FN1: variants seen among roughly 807,000 people sequenced by gnomAD.
The protein encoded by FN1 is fibronectin 1, also known as fibronectin.
In FN1, 106 loss-of-function variants were observed where a neutral mutation model predicts 297.3. The ratio of observed to expected loss-of-function variants is 0.36; its 90% CI spans 0.30 to 0.42. The LOEUF (loss-of-function observed/expected upper bound fraction) is 0.42, where lower values mean the gene tolerates loss of function less well. Ranked by LOEUF, FN1 falls within the 10% of genes least tolerant of loss-of-function variation. FN1 has a pLI of 1.00. For missense variants in FN1, 2,690 were observed against 3,124.9 expected (o/e 0.86, Z 3.32); for synonymous variants, 1,149 against 1,152.6 (o/e 1.00, Z 0.06).
chr2:215,381,112 TGAA>T, intron 32 of FN1, 32 bp from the exon 33 acceptor site: 1 of 1,611,674 alleles, frequency 6.2e-7, no homozygotes, highest in Non-Finnish European at 8.5e-7. Flanking sequence ...AGAGGTTATG[TGAA>T]AAGCAAGTTG....
chr2:215,430,954 ATT>A, intron 4 of FN1, 102 bp from the exon 5 acceptor site: 1 of 1,266,652 alleles, frequency 7.9e-7, no homozygotes, highest in Non-Finnish European at 1.1e-6. Context: ...ATTCAGCCAC[ATT>A]TTTTTTAAGT....
chr2:215,381,300 A>T, intron 32 of FN1: 1 of 585,972 alleles, frequency 1.7e-6, no homozygotes, highest in Non-Finnish European at 3.0e-6. Context: ...TATGTGAGAT[A>T]AGCAGATACC....
At chr2:215,408,067 A>G (rs1559503002) in intron 17 of FN1, 41 bp downstream of exon 17, 2 of 1,497,758 alleles carry the variant, frequency 1.3e-6, no homozygotes, top group East Asian at 2.3e-5. Context: ...TGATGTCATT[A>G]AGATTAACAT....
In FN1 at chr2:215,397,169, A is replaced by C; in HGVS notation, c.3572T>G (p.Leu1191Arg). Residue 1191 changes from leucine to arginine, a missense_variant, in exon 23 of 46, where the codon CTC (leucine) becomes CGC (arginine). Physicochemically the swap from Leu to Arg is moderately radical, Grantham distance 102 (BLOSUM62 -2). Coordinates refer to ENST00000354785, the MANE Select transcript of FN1 (RefSeq NM_212482.4). Reference sequence around the variant, plus strand: ...GGTGCTCCTCTCCCAGGAGACTGTGAGCACTCCAGTGTCAGGGTTTGCCTC... The same window carrying C: ...GGTGCTCCTCTCCCAGGAGACTGTGCGCACTCCAGTGTCAGGGTTTGCCTC... ...HLEANPDTGVLTVSWERSTTP... is the reference protein window; with the variant it reads ...HLEANPDTGVRTVSWERSTTP... 1 of 1,613,916 alleles carries C rather than the reference A, an allele frequency of 6.2e-7. No homozygotes were observed. The highest frequency in any genetic ancestry group is 8.5e-7 in the Non-Finnish European group (1 of 1,179,816).
chr2:215,383,210 A>G (rs1575401244), intron 31 of FN1, 118 bp downstream of exon 31: 1 of 1,019,478 alleles, frequency 9.8e-7, no homozygotes, highest in Non-Finnish European at 1.5e-6. Flanking sequence ...GTTTCGCCAT[A>G]TTGGCCAGGC....
intron 24 of FN1, 133 bp downstream of exon 24, chr2:215,394,395 G>A (rs1362068967): frequency 1.2e-6 from 1 of 828,510 alleles, no homozygotes; most frequent in African/African-American, 1.7e-5. Context: ...TCTTGGTTTT[G>A]GAAAGTGCAG....
intron 21 of FN1, 37 bp from the exon 22 acceptor site, chr2:215,397,885 A>G (rs2060494415): frequency 3.8e-6 from 6 of 1,595,486 alleles, no homozygotes; most frequent in African/African-American, 1.3e-5. Context: ...CCAAGGACAA[A>G]TATTTCCAGA....
intron 43 of FN1, 100 bp downstream of exon 43, chr2:215,365,405 G>T: frequency 7.7e-7 from 1 of 1,292,152 alleles, no homozygotes; most frequent in Non-Finnish European, 1.1e-6. Context: ...TCCTCAAGGA[G>T]ACCTAAAGTC....
At position 215,420,798 on chromosome 2, in the gene FN1, T is replaced by A; in HGVS notation, c.1550A>T (p.Gln517Leu). Reference protein sequence around the residue: ...TCIAYSQLRDQCIVDDITYNV... With the variant: ...TCIAYSQLRDLCIVDDITYNV... Reference sequence around the variant, plus strand: ...GTAAGTGATGTCATCAACAATGCACTGATCTGTTTAGGAAACAGGTGGGTG... The same window carrying A: ...GTAAGTGATGTCATCAACAATGCACAGATCTGTTTAGGAAACAGGTGGGTG... Residue 517 changes from glutamine (Q) to leucine (L), a missense_variant, in exon 11 of 46, where the codon CAG (glutamine) becomes CTG (leucine). This residue lies in a region of FN1 where 876 missense variants were observed against 1,058.1 expected (regional missense o/e 0.83). Coordinates refer to ENST00000354785, the MANE Select transcript of FN1 (RefSeq NM_212482.4). 1 of 1,614,030 alleles carries A rather than the reference T, an allele frequency of 6.2e-7. No individual in the cohort carries two copies. Among genetic ancestry groups the A allele is most frequent in the Non-Finnish European group, 8.5e-7 (1 of 1,179,868 alleles).
chr2:215,361,771 C>G, intron 45 of FN1, 145 bp from the exon 46 acceptor site: 1 of 991,654 alleles, frequency 1.0e-6, no homozygotes, highest in South Asian at 1.4e-5. Context: ...TAGCAGCATA[C>G]TGGGCAATAG....
At position 215,408,728 on chromosome 2, in the gene FN1, C is replaced by T. The variant is rs370140134; in HGVS notation, c.2300-302G>A. Among the ~76,000 whole-genome samples, 13 of 152,170 alleles carry T rather than the reference C, an allele frequency of 8.5e-5. No homozygotes were observed. The East Asian group carries it at 2.1e-3, about 25-fold the overall frequency. On this transcript the variant is annotated intron_variant, in intron 15 of 45. Transcript: ENST00000354785. ...GATTACAGGTGCACACCACCACACCCGGCTATTTTTTTTGCATTTTTATTA... is the reference window on the plus strand; with the variant it reads ...GATTACAGGTGCACACCACCACACCTGGCTATTTTTTTTGCATTTTTATTA...
chr2:215,402,385 T>A (rs1237400084), intron 20 of FN1, among the ~76,000 whole-genome samples: 1 of 152,194 alleles, frequency 6.6e-6, no homozygotes, highest in African/African-American at 2.4e-5. Context: ...GAAATAAAAT[T>A]TGCCCTATCA....
chr2:215,385,367 G>A (rs1575421712), intron 28 of FN1, among the ~76,000 whole-genome samples: 2 of 151,090 alleles, frequency 1.3e-5, no homozygotes, highest in African/African-American at 4.9e-5. Context: ...TTCAAAACCA[G>A]CCTGGCCAAC....
At position 215,424,326 on chromosome 2, in the gene FN1, C is replaced by A; in HGVS notation, c.1037-1G>T. Reference sequence around the variant, plus strand: ...TTGCCACCGTAAGTCTGGGTTACAGCTACAATCATAATCAAAAGAGTGTCA... The same window carrying A: ...TTGCCACCGTAAGTCTGGGTTACAGATACAATCATAATCAAAAGAGTGTCA... On this transcript the variant is annotated splice_acceptor_variant, in intron 7 of 45. Coordinates refer to ENST00000354785, the MANE Select transcript of FN1 (RefSeq NM_212482.4). LOFTEE classifies it high-confidence loss of function. 6.2e-7 allele frequency: 1 copy of A among 1,613,096 alleles called. No individual in the cohort carries two copies. The highest frequency in any genetic ancestry group is 8.5e-7 in the Non-Finnish European group (1 of 1,179,102).
At chr2:215,370,525 C>G (rs1261145327) in intron 40 of FN1, 93 bp from the exon 41 acceptor site, 1 of 620,612 alleles carries the variant, frequency 1.6e-6, no homozygotes, top group Non-Finnish European at 2.4e-6. Flanking sequence ...ACTGTTTAAA[C>G]AAAGCAAAGG....
chr2:215,370,538 GACAAAAA>G lies in FN1; in HGVS notation c.6715-113_6715-107del, dbSNP rs1185116408. On this transcript the variant is annotated intron_variant, in intron 40 of 45. Transcript: ENST00000354785. ...TCACTGTTTAAACAAAGCAAAGGAA[GACAAAAA>G]ACAAAAAACAAAAAAAAAAAAAAGA... The G allele has an allele frequency of 1.6e-3, 620 of 393,362 alleles. 4 individuals carry two copies. The highest frequency in any genetic ancestry group is 0.014 in the South Asian group (266 of 19,606). The allele number at this position is 393,362 out of a possible 1,614,324, so 24.4% of individuals were successfully genotyped here. A position where few individuals can be genotyped will look rare whatever the true frequency, so the allele number is the denominator to read the frequency against.
chr2:215,368,105 T>G (rs919823161), intron 41 of FN1, 78 bp from the exon 42 acceptor site: 1 of 1,402,172 alleles, frequency 7.1e-7, no homozygotes, highest in African/African-American at 1.4e-5. Flanking sequence ...ATCGAATGAC[T>G]GTATACAATG....
intron 2 of FN1, among the ~76,000 whole-genome samples, chr2:215,434,437 T>C (rs1324533454): frequency 1.3e-5 from 2 of 152,136 alleles, no homozygotes; most frequent in African/African-American, 4.8e-5. Flanking sequence ...ACACAAAATC[T>C]TTCATTTTTC....
At chr2:215,370,848 T>G (rs1010232709) in intron 40 of FN1, among the ~76,000 whole-genome samples, 1 of 152,198 alleles carries the variant, frequency 6.6e-6, no homozygotes, top group African/African-American at 2.4e-5. Flanking sequence ...CTGACCCCAG[T>G]GTGGAGTCCT....
Sources: allele counts gnomAD v4.1 joint callset (sites outside exome capture counted in the v4.1 genomes callset), GRCh38; gene constraint gnomAD v4.1.1; regional missense constraint gnomAD v4.1.1; transcripts MANE v1.5; gene names NCBI Gene and HGNC (gene_info 2026-07-23, HGNC 2026-07-21).